Variants in SUMF1 observed in about 807,000 individuals in gnomAD.
The protein encoded by SUMF1 is sulfatase modifying factor 1.
SUMF1 carries 48 observed loss-of-function variants against 47.6 expected under a neutral mutation model. The observed-to-expected ratio is 1.01, with a 90% CI of 0.80 to 1.28. SUMF1 has a LOEUF of 1.28. SUMF1 is among the 50% of genes most tolerant of loss of function. SUMF1 has a pLI of 0.00. For missense variants in SUMF1, 571 were observed against 485.4 expected, an observed-to-expected ratio of 1.18 and a Z score of -1.66; for synonymous variants, 230 against 192.1, an observed-to-expected ratio of 1.20 and a Z score of -1.63.
chr3:4,427,614 A>T (rs1170052215), intron 3 of SUMF1, among the ~76,000 whole-genome samples: 1 of 152,214 alleles, frequency 6.6e-6, no homozygotes, highest in Non-Finnish European at 1.5e-5. Flanking sequence ...TGGGAGAGAA[A>T]AATGCCTGCT....
intron 8 of SUMF1, among the ~76,000 whole-genome samples, chr3:4,204,869 T>C (rs1471445054): frequency 1.3e-5 from 2 of 152,164 alleles, no homozygotes; most frequent in African/African-American, 2.4e-5. Flanking sequence ...GTTTATCTTA[T>C]AAAATTCAGA....
rs1348618373 is a variant in SUMF1, at chr3:4,146,190, C to A, written c.1015-77445G>T. Among the ~76,000 whole-genome samples, 2 of 151,832 alleles carry A rather than the reference C, an allele frequency of 1.3e-5. 1 individual carries two copies. Among genetic ancestry groups the A allele is most frequent in the Non-Finnish European group, 2.9e-5 (2 of 67,972 alleles). On this transcript the variant is annotated intron_variant and NMD_transcript_variant, in intron 8 of 12. Coordinates refer to the SUMF1 transcript ENST00000448413. ...GTTCTGGGAGGATTTCAAAGAAAAC[C>A]TGGGGAAAAGAGGGGTGGATGAAAG...
chr3:4,055,080 G>A (rs1272713253), intron 9 of SUMF1, among the ~76,000 whole-genome samples: 2 of 152,250 alleles, frequency 1.3e-5, no homozygotes, highest in East Asian at 3.9e-4. Context: ...TGTTGAAACA[G>A]ATACTGTAGT....
chr3:4,168,727 G>A (rs1365375457), intron 8 of SUMF1, among the ~76,000 whole-genome samples: 3 of 152,066 alleles, frequency 2.0e-5, no homozygotes, highest in Non-Finnish European at 4.4e-5. Flanking sequence ...ATCTCTCTAA[G>A]ATTCATCTGT....
intron 8 of SUMF1, among the ~76,000 whole-genome samples, chr3:4,107,802 A>C (rs546817029): frequency 2.0e-5 from 3 of 152,272 alleles, no homozygotes; most frequent in Non-Finnish European, 4.4e-5. Flanking sequence ...TAAAATAAAT[A>C]AATGAATTAA....
chr3:4,430,246 G>T (rs1213669603), intron 3 of SUMF1, among the ~76,000 whole-genome samples: 1 of 152,096 alleles, frequency 6.6e-6, no homozygotes, highest in East Asian at 1.9e-4. Context: ...GAAAGCACTG[G>T]GTTACTCAAA....
intron 8 of SUMF1, among the ~76,000 whole-genome samples, chr3:4,274,604 G>A (rs1338997065): frequency 6.6e-6 from 1 of 152,140 alleles, no homozygotes; most frequent in East Asian, 1.9e-4. Flanking sequence ...TCTTTTTGGA[G>A]TTAGGCAGCC....
intron 8 of SUMF1, among the ~76,000 whole-genome samples, chr3:4,254,240 G>C (rs1173969373): frequency 2.0e-5 from 3 of 152,010 alleles, no homozygotes; most frequent in Non-Finnish European, 4.4e-5. Flanking sequence ...TTCCTCAACA[G>C]CAACGGAACA....
chr3:4,453,124 C>A (rs1703031115), intron 1 of SUMF1, 75 bp from the exon 2 acceptor site: 1 of 1,482,740 alleles, frequency 6.7e-7, no homozygotes, highest in Admixed American at 1.9e-5. Context: ...AAGTTCCTAG[C>A]ACCCAGGAAG....
intron 8 of SUMF1, among the ~76,000 whole-genome samples, chr3:4,368,140 GA>G (rs963792219): frequency 5.3e-5 from 8 of 152,112 alleles, no homozygotes; most frequent in African/African-American, 1.4e-4. Flanking sequence ...AAATTTACAA[GA>G]AAAAAACAAA....
At chr3:4,220,610 T>A (rs907569413) in intron 8 of SUMF1, among the ~76,000 whole-genome samples, 3 of 152,084 alleles carry the variant, frequency 2.0e-5, no homozygotes, top group African/African-American at 7.2e-5. Context: ...TCTTGGATGA[T>A]GTTTTAGGTT....
At chr3:4,214,720 A>C (rs1266726965) in intron 8 of SUMF1, among the ~76,000 whole-genome samples, 1 of 152,180 alleles carries the variant, frequency 6.6e-6, no homozygotes, top group African/African-American at 2.4e-5. Context: ...GGATATTACC[A>C]CTGATCCCAC....
chr3:4,166,061 A>G (rs1476564168), intron 8 of SUMF1, among the ~76,000 whole-genome samples: 2 of 152,130 alleles, frequency 1.3e-5, no homozygotes, highest in African/African-American at 2.4e-5. Flanking sequence ...AAAGAGGACC[A>G]ATGAAGGTCA....
chr3:4,285,416 TTTTC>T (rs570501277), intron 8 of SUMF1, among the ~76,000 whole-genome samples: 52 of 152,152 alleles, frequency 3.4e-4, no homozygotes, highest in African/African-American at 1.3e-3. Context: ...TACAGGTGAT[TTTTC>T]TTTTTTTGTG....
In SUMF1 at chr3:4,136,063, T is replaced by C. The variant is rs180933615; in HGVS notation, c.1015-67318A>G. On this transcript the variant is annotated intron_variant and NMD_transcript_variant, in intron 8 of 12. Coordinates refer to the SUMF1 transcript ENST00000448413. ...TGGCCATACTGCCCAAGGTAATTTA[T>C]AGATTCAATGCCATCCCCATCAAGC... Among the ~76,000 whole-genome samples the C allele has an allele frequency of 1.4e-3, 208 of 152,240 alleles. 2 individuals are homozygous for C. Among genetic ancestry groups the C allele is most frequent in the African/African-American group, 4.5e-3 (187 of 41,524 alleles).
At chr3:4,271,735 C>A (rs1394540737) in intron 8 of SUMF1, among the ~76,000 whole-genome samples, 2 of 152,178 alleles carry the variant, frequency 1.3e-5, no homozygotes, top group African/African-American at 4.8e-5. Flanking sequence ...CTCCTAGCCT[C>A]AAGCTATCCT....
At chr3:4,129,794 T>A (rs1327138881) in intron 8 of SUMF1, among the ~76,000 whole-genome samples, 1 of 152,142 alleles carries the variant, frequency 6.6e-6, no homozygotes, top group Non-Finnish European at 1.5e-5. Flanking sequence ...TAGGGGCTTA[T>A]GGAGCTTAGG....
At position 4,137,303 on chromosome 3, in the gene SUMF1, T is replaced by C. The variant is rs1412641041; in HGVS notation, c.1015-68558A>G. 1.6e-4 allele frequency among the ~76,000 whole-genome samples: 25 copies of C among 152,128 alleles called. No homozygotes were observed. In the South Asian group the frequency reaches 5.2e-3, roughly 32 times the overall value. ...AATACTCTGCAGCCATAAAAAAGGA[T>C]GAGTTCACGTCCTTTGTAGGGACAT... On this transcript the variant is annotated intron_variant and NMD_transcript_variant, in intron 8 of 12. Transcript: ENST00000448413.
chr3:4,135,913 T>G lies in SUMF1; in HGVS notation c.1015-67168A>C, dbSNP rs189350682. On this transcript the variant is annotated intron_variant and NMD_transcript_variant, in intron 8 of 12. Coordinates refer to the SUMF1 transcript ENST00000448413. Reference sequence around the variant, plus strand: ...GAATAAAATACACAGGAATCCAACTTACATGGGATGTGAAGGACCTTTTCA... The same window carrying G: ...GAATAAAATACACAGGAATCCAACTGACATGGGATGTGAAGGACCTTTTCA... Among the ~76,000 whole-genome samples, 1,258 of 152,216 alleles carry G rather than the reference T, an allele frequency of 8.3e-3. 21 individuals are homozygous for G. Among genetic ancestry groups the G allele is most frequent in the African/African-American group, 0.029 (1,209 of 41,520 alleles).
Sources: allele counts gnomAD v4.1 joint callset (sites outside exome capture counted in the v4.1 genomes callset), GRCh38; gene constraint gnomAD v4.1.1; transcripts MANE v1.5; gene names NCBI Gene and HGNC (gene_info 2026-07-23, HGNC 2026-07-21).